The following SPTSSB variants were observed in gnomAD, a reference collection of about 807,000 sequenced individuals.
SPTSSB encodes androgen down regulated in mouse prostate.
SPTSSB carries 6 observed loss-of-function variants against 7.7 expected under a neutral mutation model. The ratio of observed to expected loss-of-function variants is 0.78; its 90% CI spans 0.43 to 1.54. The LOEUF (loss-of-function observed/expected upper bound fraction) is 1.54, where lower values mean the gene tolerates loss of function less well. SPTSSB is among the 40% of genes most tolerant of loss of function. The pLI, the probability that SPTSSB is intolerant of heterozygous loss-of-function variation, is 0.01. For missense variants in SPTSSB, 91 were observed against 93.0 expected (o/e 0.98, Z 0.09); for synonymous variants, 28 against 29.7 (o/e 0.94, Z 0.19).
intron 1 of SPTSSB, among the ~76,000 whole-genome samples, chr3:161,370,827 C>A (rs1387997282): frequency 6.6e-6 from 1 of 152,216 alleles, no homozygotes; most frequent in Non-Finnish European, 1.5e-5. Flanking sequence ...CCTTCTTCAT[C>A]CCCATGGCAA....
At chr3:161,357,474 T>C (rs1714818384) in intron 2 of SPTSSB, among the ~76,000 whole-genome samples, 1 of 152,168 alleles carries the variant, frequency 6.6e-6, no homozygotes, top group African/African-American at 2.4e-5. Context: ...TTACTCCCTC[T>C]GAATAAAGCT....
At chr3:161,356,907 A>C (rs144618440) in intron 2 of SPTSSB, among the ~76,000 whole-genome samples, 2 of 152,260 alleles carry the variant, frequency 1.3e-5, no homozygotes, top group African/African-American at 4.8e-5. Flanking sequence ...GCTTGAGCCC[A>C]GGATGTTGAG....
At chr3:161,359,755 C>T in intron 2 of SPTSSB, 47 bp downstream of exon 2, 1 of 985,326 alleles carries the variant, frequency 1.0e-6, no homozygotes, top group Non-Finnish European at 1.2e-6. Flanking sequence ...TGAAAAGGGG[C>T]AGATTTCTCA....
chr3:161,370,639 C>T (rs1378828001), intron 1 of SPTSSB, among the ~76,000 whole-genome samples: 1 of 152,200 alleles, frequency 6.6e-6, no homozygotes, highest in African/African-American at 2.4e-5. Context: ...TTTCCCAACT[C>T]CCCTGATGCA....
At chr3:161,347,569 G>A (rs1184398532) in intron 2 of SPTSSB, among the ~76,000 whole-genome samples, 1 of 152,054 alleles carries the variant, frequency 6.6e-6, no homozygotes, top group Non-Finnish European at 1.5e-5. Context: ...AACTTGTTGT[G>A]GCTTTTACAA....
intron 2 of SPTSSB, among the ~76,000 whole-genome samples, chr3:161,352,695 G>C (rs1007820765): frequency 2.0e-5 from 3 of 152,170 alleles, no homozygotes; most frequent in Admixed American, 2.0e-4. Flanking sequence ...ATCATAAAAG[G>C]TGCTTCTGAA....
intron 2 of SPTSSB, chr3:161,347,831 G>A (rs1353154619): frequency 6.6e-6 from 1 of 152,054 alleles, no homozygotes; most frequent in Non-Finnish European, 1.5e-5. Flanking sequence ...GCAGTGAGTC[G>A]AGATCTTGCC....
intron 2 of SPTSSB, among the ~76,000 whole-genome samples, chr3:161,358,467 T>C (rs931379009): frequency 2.0e-5 from 3 of 152,140 alleles, no homozygotes; most frequent in African/African-American, 7.2e-5. Flanking sequence ...AGGAATAAGA[T>C]AACTTCATTC....
Position 161,346,092 on chromosome 3 carries a change from A to T in SPTSSB, c.*1T>A, listed in dbSNP as rs761607972. 1.1e-5 allele frequency: 16 copies of T among 1,458,032 alleles called. No individual in the cohort carries two copies. The highest frequency in any genetic ancestry group is 1.7e-4 in the Middle Eastern group (1 of 5,762). The allele number at this position is 1,458,032 out of a possible 1,614,324, so 90.3% of individuals were successfully genotyped here. A position where few individuals can be genotyped will look rare whatever the true frequency, so the allele number is the denominator to read the frequency against. On this transcript the variant is annotated 3_prime_UTR_variant, in exon 3 of 3. Coordinates refer to ENST00000620149, the MANE Select transcript of SPTSSB (RefSeq NM_001040100.2). ...TGCCATTTCACTGAATGTGAACAGGATCAATTAGAAATTGTACTGTGATAT... is the reference window on the plus strand; with the variant it reads ...TGCCATTTCACTGAATGTGAACAGGTTCAATTAGAAATTGTACTGTGATAT...
At chr3:161,361,205 CTGT>C (rs1224451407) in intron 1 of SPTSSB, among the ~76,000 whole-genome samples, 6 of 152,090 alleles carry the variant, frequency 3.9e-5, no homozygotes, top group African/African-American at 1.4e-4. Context: ...AGATTTGGAA[CTGT>C]TGTTTTGTTT....
At chr3:161,349,048 A>G (rs2108154611) in intron 2 of SPTSSB, among the ~76,000 whole-genome samples, 1 of 152,294 alleles carries the variant, frequency 6.6e-6, no homozygotes, top group East Asian at 1.9e-4. Context: ...CACTTTAGAC[A>G]ATTTGATGAG....
chr3:161,369,171 C>T (rs1205347664), intron 1 of SPTSSB, among the ~76,000 whole-genome samples: 2 of 152,110 alleles, frequency 1.3e-5, no homozygotes, highest in Admixed American at 1.3e-4. Context: ...CACCATTTTC[C>T]ATCCCCACCA....
At chr3:161,359,629 T>C in intron 2 of SPTSSB, 173 bp downstream of exon 2, 1 of 657,976 alleles carries the variant, frequency 1.5e-6, no homozygotes, top group Non-Finnish European at 1.9e-6. Context: ...CTAGAGCTAA[T>C]TGCCCCATTT....
intron 1 of SPTSSB, among the ~76,000 whole-genome samples, chr3:161,368,269 T>C (rs908406093): frequency 2.0e-5 from 3 of 152,202 alleles, no homozygotes; most frequent in African/African-American, 7.2e-5. Flanking sequence ...GAGATAAAAC[T>C]CACCATACAA....
At chr3:161,346,655 T>C (rs965645777) in intron 2 of SPTSSB, among the ~76,000 whole-genome samples, 7 of 152,156 alleles carry the variant, frequency 4.6e-5, no homozygotes, top group African/African-American at 1.7e-4. Context: ...TACCTAAAAA[T>C]TGAGGTTAGC....
At chr3:161,359,271 G>C (rs1714907207) in intron 2 of SPTSSB, 1 of 152,118 alleles carries the variant, frequency 6.6e-6, no homozygotes, top group South Asian at 2.1e-4. Context: ...TAATTTGTCT[G>C]ATCTGGTTAA....
chr3:161,353,384 T>C (rs943150922), intron 2 of SPTSSB, among the ~76,000 whole-genome samples: 1 of 152,230 alleles, frequency 6.6e-6, no homozygotes, highest in South Asian at 2.1e-4. Context: ...GGGAAAAAAC[T>C]ACCCCTTATT....
intron 2 of SPTSSB, among the ~76,000 whole-genome samples, chr3:161,355,838 T>G (rs765425090): frequency 9.2e-5 from 14 of 152,160 alleles, no homozygotes; most frequent in Non-Finnish European, 1.5e-4. Context: ...TATGTGTAGT[T>G]TACCACAATT....
intron 1 of SPTSSB, among the ~76,000 whole-genome samples, chr3:161,366,100 G>A (rs923592514): frequency 6.6e-6 from 1 of 152,120 alleles, no homozygotes. Flanking sequence ...TTAACTTTGG[G>A]GAACTAGTTC....
Sources: allele counts gnomAD v4.1 joint callset (sites outside exome capture counted in the v4.1 genomes callset), GRCh38; gene constraint gnomAD v4.1.1; transcripts MANE v1.5; gene names NCBI Gene and HGNC (gene_info 2026-07-23, HGNC 2026-07-21).